ADCK5: variants seen among roughly 807,000 people sequenced by gnomAD.
ADCK5 encodes uncharacterized aarF domain-containing protein kinase 5.
ADCK5 carries 43 observed loss-of-function variants against 64.9 expected under a neutral mutation model. The observed-to-expected ratio is 0.66, with a 90% CI of 0.52 to 0.85. The LOEUF is 0.85. Among genes scored for constraint, ADCK5 ranks in the 40% least tolerant of loss-of-function variants. ADCK5 has a pLI of 0.00. For synonymous variants in ADCK5, 434 were observed against 342.8 expected (o/e 1.27, Z -2.94); for missense variants, 760 against 810.5 (o/e 0.94, Z 0.76).
chr8:144,381,504 GCC>G (rs1161027322), intron 2 of ADCK5, among the ~76,000 whole-genome samples: 2 of 137,576 alleles, frequency 1.5e-5, no homozygotes, highest in Non-Finnish European at 3.1e-5. Context: ...GTGTGCTCAG[GCC>G]CCTGCTGCAC....
At chr8:144,374,596 C>T (rs1554856765) in intron 1 of ADCK5, among the ~76,000 whole-genome samples, 1 of 152,126 alleles carries the variant, frequency 6.6e-6, no homozygotes, top group Non-Finnish European at 1.5e-5. Flanking sequence ...GCAGGGGCCC[C>T]GCGGGGAAGC....
At chr8:144,386,677 G>A (rs1412208608) in intron 3 of ADCK5, among the ~76,000 whole-genome samples, 2 of 152,096 alleles carry the variant, frequency 1.3e-5, no homozygotes, top group African/African-American at 4.8e-5. Flanking sequence ...TTTTTGTTGG[G>A]GTATTAATAC....
intron 4 of ADCK5, 43 bp from the exon 5 acceptor site, chr8:144,390,813 G>A: frequency 6.2e-7 from 1 of 1,606,530 alleles, no homozygotes; most frequent in Admixed American, 1.7e-5. Context: ...GACTGAGGAG[G>A]CAGCCACCTG....
At chr8:144,386,362 T>A (rs944327506) in intron 3 of ADCK5, among the ~76,000 whole-genome samples, 54 of 151,662 alleles carry the variant, frequency 3.6e-4, no homozygotes, top group Middle Eastern at 3.2e-3. Flanking sequence ...TAACTTATTT[T>A]TTTTTATTTT....
rs187052232 is a variant in ADCK5, at chr8:144,392,491, G to T, written c.1314G>T (p.Leu438=). ...AEMLMQRPVR[L]GQLWGSHLLS... Reference sequence around the variant, plus strand: ...TGCTCATGCAGCGCCCCGTGCGCCTGGGGCAGCTGTGGGGCTCGCACCTAC... The same window carrying T: ...TGCTCATGCAGCGCCCCGTGCGCCTTGGGCAGCTGTGGGGCTCGCACCTAC... Residue 438 remains leucine (L), a synonymous_variant, in exon 13 of 15, where the codon CTG becomes CTT. Transcript: ENST00000308860. 109 of 1,442,074 alleles carry T rather than the reference G, an allele frequency of 7.6e-5. No individual in the cohort carries two copies. The African/African-American group carries it at 1.5e-3, about 20-fold the overall frequency. The allele number at this position is 1,442,074 out of a possible 1,614,324, so 89.3% of individuals were successfully genotyped here. A position where few individuals can be genotyped will look rare whatever the true frequency, so the allele number is the denominator to read the frequency against.
At chr8:144,374,713 C>T (rs1248068488) in intron 1 of ADCK5, among the ~76,000 whole-genome samples, 1 of 152,288 alleles carries the variant, frequency 6.6e-6, no homozygotes, top group Non-Finnish European at 1.5e-5. Flanking sequence ...CGGGCCTGCC[C>T]TGCCCTGAGG....
At chr8:144,378,923 G>A (rs1462553050) in intron 1 of ADCK5, among the ~76,000 whole-genome samples, 1 of 151,308 alleles carries the variant, frequency 6.6e-6, no homozygotes, top group African/African-American at 2.4e-5. Flanking sequence ...ACCCAGTCTT[G>A]CTTGGGTAGT....
chr8:144,392,123 G>A lies in ADCK5; in HGVS notation c.1128G>A (p.Ala376=), dbSNP rs201745279. ...TGCGGAAAGGCCCGGACGGGAAAGCGGAGCTGGTGCTGCTGGACCACGGGC... is the reference window on the plus strand; with the variant it reads ...TGCGGAAAGGCCCGGACGGGAAAGCAGAGCTGGTGCTGCTGGACCACGGGC... The part of the protein sequence containing the change: ...VLVRKGPDGK[A]ELVLLDHGLY... The change falls in exon 11 of 15, where the codon GCG becomes GCA. Residue 376 remains alanine (A), a synonymous_variant. Coordinates refer to ENST00000308860, the MANE Select transcript of ADCK5 (RefSeq NM_174922.5). 281 of 1,611,072 alleles carry A rather than the reference G, an allele frequency of 1.7e-4. 1 individual carries two copies. In the Admixed American group the frequency reaches 2.3e-3, roughly 13 times the overall value.
intron 1 of ADCK5, among the ~76,000 whole-genome samples, chr8:144,374,892 G>C (rs564021381): frequency 1.8e-3 from 270 of 152,154 alleles, no homozygotes; most frequent in Admixed American, 3.9e-3. Context: ...TAGGACTGCG[G>C]GGGGGCGGGG....
upstream of ADCK5, chr8:144,373,813 C>A (rs575992251): frequency 1.4e-5 from 5 of 360,062 alleles, no homozygotes; most frequent in Non-Finnish European, 1.5e-5. Context: ...CCGGCAGGTG[C>A]CTGCCCGGGG....
At chr8:144,385,209 G>A (rs1245904334) in intron 3 of ADCK5, among the ~76,000 whole-genome samples, 1 of 149,736 alleles carries the variant, frequency 6.7e-6, no homozygotes, top group Non-Finnish European at 1.5e-5. Flanking sequence ...TTTTGAGACG[G>A]AGTCTTGCTC....
chr8:144,383,055 C>A, intron 2 of ADCK5, 26 bp from the exon 3 acceptor site: 1 of 1,577,518 alleles, frequency 6.3e-7, no homozygotes, highest in Non-Finnish European at 8.6e-7. Context: ...GGGGCGGCGC[C>A]TCCAGGCTGC....
upstream of ADCK5, chr8:144,374,025 C>T (rs961715096): frequency 1.3e-5 from 16 of 1,240,614 alleles, no homozygotes; most frequent in Non-Finnish European, 1.5e-5. Flanking sequence ...TACGCGCCCT[C>T]CCGCAGGGCC....
chr8:144,374,087 T>C lies in ADCK5; in HGVS notation c.-9T>C, dbSNP rs1350158092. The C allele has an allele frequency of 4.3e-5, 54 of 1,247,714 alleles. No individual in the cohort carries two copies. The highest frequency in any genetic ancestry group is 5.4e-5 in the Non-Finnish European group (53 of 988,726). 77.3% of individuals were successfully genotyped at this position (1,247,714 alleles called of 1,614,324 possible). ...GCCGGGCGGGAGAAGAGCGGAGCAG[T>C]GGTCGGAGATGTGGCGACCGGTGAG... is the stretch of plus-strand genomic sequence containing the variant. On this transcript the variant is annotated 5_prime_UTR_variant, in exon 1 of 15. Coordinates refer to ENST00000308860, the MANE Select transcript of ADCK5 (RefSeq NM_174922.5).
At chr8:144,382,352 T>G (rs1161567451) in intron 2 of ADCK5, among the ~76,000 whole-genome samples, 1 of 152,262 alleles carries the variant, frequency 6.6e-6, no homozygotes, top group African/African-American at 2.4e-5. Flanking sequence ...TCCTGCTGGT[T>G]TCAGCATATA....
intron 3 of ADCK5, among the ~76,000 whole-genome samples, chr8:144,388,399 G>A (rs1820023217): frequency 6.6e-6 from 1 of 151,424 alleles, no homozygotes; most frequent in South Asian, 2.1e-4. Context: ...CCAAGCACAA[G>A]TCTGTGGGAC....
intron 2 of ADCK5, among the ~76,000 whole-genome samples, chr8:144,379,934 G>T (rs1819527626): frequency 6.6e-6 from 1 of 152,242 alleles, no homozygotes; most frequent in Admixed American, 6.5e-5. Context: ...CAGATGGACG[G>T]TGGCAAGGCA....
chr8:144,389,917 C>G (rs1225162565), intron 3 of ADCK5, among the ~76,000 whole-genome samples: 4 of 151,920 alleles, frequency 2.6e-5, no homozygotes, highest in African/African-American at 7.3e-5. Flanking sequence ...CAACCTCTGC[C>G]TCTCGGGTTC....
chr8:144,383,428 C>T (rs1554858733), intron 3 of ADCK5, among the ~76,000 whole-genome samples, 198 bp downstream of exon 3: 1 of 152,190 alleles, frequency 6.6e-6, no homozygotes, highest in African/African-American at 2.4e-5. Flanking sequence ...ACAGTGAGCA[C>T]TGGCGGGGCC....
Sources: allele counts gnomAD v4.1 joint callset (sites outside exome capture counted in the v4.1 genomes callset), GRCh38; gene constraint gnomAD v4.1.1; transcripts MANE v1.5; gene names NCBI Gene and HGNC (gene_info 2026-07-23, HGNC 2026-07-21).